EPB41L4B: variants seen among roughly 807,000 people sequenced by gnomAD.
The protein encoded by EPB41L4B is erythrocyte membrane protein band 4.1 like 4B, also known as band 4.1-like protein 4B.
EPB41L4B carries 30 observed loss-of-function variants against 112.5 expected under a neutral mutation model. That is an observed-to-expected ratio of 0.27 (90% CI 0.20 to 0.36). EPB41L4B has a LOEUF of 0.36. Among genes scored for constraint, EPB41L4B ranks in the 10% least tolerant of loss-of-function variants. EPB41L4B has a pLI of 1.00. For synonymous variants in EPB41L4B, 408 were observed against 439.7 expected (o/e 0.93, Z 0.90); for missense variants, 1,024 against 1,133.3 (o/e 0.90, Z 1.38).
intron 18 of EPB41L4B, among the ~76,000 whole-genome samples, chr9:109,206,150 A>T (rs1832985340): frequency 6.6e-6 from 1 of 152,156 alleles, no homozygotes. Flanking sequence ...AGTTTTTAAA[A>T]TTTATTTCTT....
chr9:109,275,470 C>T (rs1381548960), intron 2 of EPB41L4B, among the ~76,000 whole-genome samples: 1 of 152,218 alleles, frequency 6.6e-6, no homozygotes, highest in Non-Finnish European at 1.5e-5. Flanking sequence ...TCAGCAGACT[C>T]TCCCAAAAGC....
chr9:109,186,701 G>A (rs1013469470), intron 22 of EPB41L4B, among the ~76,000 whole-genome samples: 4 of 151,792 alleles, frequency 2.6e-5, no homozygotes, highest in Non-Finnish European at 4.4e-5. Flanking sequence ...GGCTGGTCTT[G>A]AACTCCCAGC....
Position 109,253,450 on chromosome 9 carries a change from T to G in EPB41L4B, c.1270A>C (p.Thr424Pro), listed in dbSNP as rs371026320. The G allele has an allele frequency of 6.2e-7, 1 of 1,610,496 alleles. No homozygotes were observed. The change falls in exon 12 of 26, where the codon ACG (threonine) becomes CCG (proline). Residue 424 changes from threonine to proline, a missense_variant. Coordinates refer to ENST00000374566, the MANE Select transcript of EPB41L4B (RefSeq NM_019114.5). ...ATGAAAAACACACAACCTTTGAACG[T>G]TGAATGTCTCCGGGATGGATAACGT... is the stretch of plus-strand genomic sequence containing the variant. ...SKRYPSRRHS[T>P]FKASNPVIAA...
chr9:109,270,089 G>A (rs974768294), intron 2 of EPB41L4B, among the ~76,000 whole-genome samples: 2 of 152,134 alleles, frequency 1.3e-5, no homozygotes, highest in African/African-American at 4.8e-5. Flanking sequence ...TTATCTCATT[G>A]TTAATAGCTT....
intron 1 of EPB41L4B, among the ~76,000 whole-genome samples, chr9:109,294,563 G>T (rs1836661023): frequency 6.6e-6 from 1 of 152,084 alleles, no homozygotes. Context: ...GGTTGAAGTT[G>T]CAGTGAGCCA....
Position 109,207,988 on chromosome 9 carries a change from G to C in EPB41L4B, c.1814C>G (p.Ala605Gly). 1 of 1,614,082 alleles carries C rather than the reference G, an allele frequency of 6.2e-7. No homozygotes were observed. The change falls in exon 18 of 26, where the codon GCG becomes GGG. Residue 605 changes from alanine (A) to glycine (G), a missense_variant. Transcript: ENST00000374566. ...LQTPLLPSPV[A>G]DHVKCNILKA... ...CAGAATGTTACACTTCACATGATCC[G>C]CAACAGGGGAAGGCAAAAGTGGAGT...
At chr9:109,293,205 T>C (rs546961528) in intron 1 of EPB41L4B, among the ~76,000 whole-genome samples, 17 of 152,298 alleles carry the variant, frequency 1.1e-4, no homozygotes, top group African/African-American at 4.1e-4. Flanking sequence ...GAAAACCATA[T>C]ATATACACAG....
chr9:109,228,025 C>T (rs1833842269), intron 15 of EPB41L4B, among the ~76,000 whole-genome samples: 1 of 152,214 alleles, frequency 6.6e-6, no homozygotes, highest in African/African-American at 2.4e-5. Flanking sequence ...TTGTTTCTTC[C>T]TTTCCAGTAG....
intron 1 of EPB41L4B, 49 bp downstream of exon 1, chr9:109,320,092 C>A (rs1837800848): frequency 2.9e-6 from 4 of 1,368,596 alleles, no homozygotes; most frequent in Non-Finnish European, 9.5e-7. Flanking sequence ...GGGGGAGCTG[C>A]CTCCAGGGGC....
intron 1 of EPB41L4B, among the ~76,000 whole-genome samples, chr9:109,296,520 G>T (rs1836735302): frequency 6.6e-6 from 1 of 152,140 alleles, no homozygotes; most frequent in Admixed American, 6.5e-5. Flanking sequence ...ACAGGGTTTG[G>T]CCTGGGTTCA....
At chr9:109,176,089 C>T (rs1308309697) in intron 25 of EPB41L4B, among the ~76,000 whole-genome samples, 1 of 147,560 alleles carries the variant, frequency 6.8e-6, no homozygotes, top group African/African-American at 2.5e-5. Context: ...CACACACACA[C>T]TCATTTGTTG....
At chr9:109,296,600 G>T (rs1286856322) in intron 1 of EPB41L4B, among the ~76,000 whole-genome samples, 1 of 152,072 alleles carries the variant, frequency 6.6e-6, no homozygotes, top group Non-Finnish European at 1.5e-5. Flanking sequence ...GAAGAGGGAG[G>T]TGAGGCCAGG....
At chr9:109,244,736 A>G (rs1032691788) in intron 14 of EPB41L4B, among the ~76,000 whole-genome samples, 1 of 152,188 alleles carries the variant, frequency 6.6e-6, no homozygotes, top group Non-Finnish European at 1.5e-5. Context: ...CAGTGGTCCT[A>G]GACATCAGCA....
chr9:109,258,028 A>G, intron 7 of EPB41L4B, 149 bp downstream of exon 7: 1 of 860,148 alleles, frequency 1.2e-6, no homozygotes, highest in South Asian at 1.9e-5. Context: ...GCCTTTGGAA[A>G]AACAGGACTG....
chr9:109,298,928 C>T (rs1836847604), intron 1 of EPB41L4B, among the ~76,000 whole-genome samples: 1 of 152,160 alleles, frequency 6.6e-6, no homozygotes, highest in African/African-American at 2.4e-5. Flanking sequence ...TACCACCAGA[C>T]CAGGCACTGA....
intron 1 of EPB41L4B, among the ~76,000 whole-genome samples, chr9:109,299,214 A>G (rs904567298): frequency 6.6e-6 from 1 of 152,260 alleles, no homozygotes; most frequent in African/African-American, 2.4e-5. Flanking sequence ...AAATGTGATT[A>G]CTTACTTATT....
rs777203923 is a variant in EPB41L4B, at chr9:109,200,228, G to C, written c.2045+8C>G. 5 of 1,610,480 alleles carry C rather than the reference G, an allele frequency of 3.1e-6. No homozygotes were observed. The highest frequency in any genetic ancestry group is 4.2e-6 in the Non-Finnish European group (5 of 1,176,834). On this transcript the variant is annotated splice_region_variant and intron_variant, in intron 20 of 25. Transcript: ENST00000374566. ...TTTTAATTGAAAAAGTTGCAGTACA[G>C]AACTCACAAACTATACTGTCTTGTT...
At chr9:109,221,771 C>G (rs1480232984) in intron 15 of EPB41L4B, among the ~76,000 whole-genome samples, 2 of 151,954 alleles carry the variant, frequency 1.3e-5, no homozygotes, top group Non-Finnish European at 2.9e-5. Flanking sequence ...GAATGAACAC[C>G]CAAAGGGAAA....
At position 109,291,247 on chromosome 9, in the gene EPB41L4B, T is replaced by C. The variant is rs766096273; in HGVS notation, c.307-11326A>G. Among the ~76,000 whole-genome samples, 14 of 152,232 alleles carry C rather than the reference T, an allele frequency of 9.2e-5. 1 individual carries two copies. The highest frequency in any genetic ancestry group is 4.4e-5 in the Non-Finnish European group (3 of 68,042). ...CCCACTACCTCTCTAGCCATCTCAT[T>C]CACCTTTTTAGCTCCAAGCACATAC... On this transcript the variant is annotated intron_variant, in intron 1 of 25. Transcript: ENST00000374566.
Sources: gnomAD v4.1 joint callset for allele counts (sites outside exome capture counted in the v4.1 genomes callset) on GRCh38, gnomAD v4.1.1 for gene constraint, MANE v1.5 for transcripts, NCBI Gene and HGNC (gene_info 2026-07-23, HGNC 2026-07-21) for gene names.